BCR: variants seen among roughly 807,000 people sequenced by gnomAD.
BCR encodes the protein BCR activator of RhoGEF and GTPase, also known as breakpoint cluster region protein.
In BCR, 58 loss-of-function variants were observed where a neutral mutation model predicts 138.6. That is an observed-to-expected ratio of 0.42 (90% CI 0.34 to 0.52). The LOEUF (loss-of-function observed/expected upper bound fraction) is 0.52. Ranked by LOEUF, BCR falls within the 20% of genes least tolerant of loss-of-function variation. BCR has a pLI of 0.06. For missense variants in BCR, 1,599 were observed against 1,727.2 expected (o/e 0.93, Z 1.32); for synonymous variants, 786 against 730.1 (o/e 1.08, Z -1.23).
At chr22:23,266,963 C>G (rs950493519) in intron 4 of BCR, among the ~76,000 whole-genome samples, 1 of 152,134 alleles carries the variant, frequency 6.6e-6, no homozygotes, top group African/African-American at 2.4e-5. Context: ...GAGCTGTCAC[C>G]TCTTCTGAGA....
At chr22:23,200,956 T>C (rs1473200495) in intron 1 of BCR, among the ~76,000 whole-genome samples, 1 of 152,162 alleles carries the variant, frequency 6.6e-6, no homozygotes, top group Non-Finnish European at 1.5e-5. Flanking sequence ...AGCAGGCTGG[T>C]ACATTAGGAG....
chr22:23,182,126 A>G lies in BCR; in HGVS notation c.1166A>G (p.His389Arg). The change falls in exon 1 of 23, where the codon CAT becomes CGT. Residue 389 changes from histidine to arginine, a missense_variant. Coordinates refer to ENST00000305877, the MANE Select transcript of BCR (RefSeq NM_004327.4). ...DSSSPPTPQCHKRHRHCPVVV... is the reference protein window; with the variant it reads ...DSSSPPTPQCRKRHRHCPVVV... ...AGCAGTCCCCCCACGCCGCAGTGCC[A>G]TAAGCGGCACCGGCACTGCCCGGTT... The G allele has an allele frequency of 1.2e-6, 2 of 1,611,744 alleles. No individual in the cohort carries two copies. Among genetic ancestry groups the G allele is most frequent in the Non-Finnish European group, 1.7e-6 (2 of 1,179,986 alleles).
At chr22:23,195,713 TC>T (rs1435209492) in intron 1 of BCR, among the ~76,000 whole-genome samples, 1 of 151,794 alleles carries the variant, frequency 6.6e-6, no homozygotes, top group Non-Finnish European at 1.5e-5. Context: ...ATGGTGACAC[TC>T]CATCTCTACT....
At chr22:23,200,010 C>T (rs2072532992) in intron 1 of BCR, among the ~76,000 whole-genome samples, 1 of 151,682 alleles carries the variant, frequency 6.6e-6, no homozygotes, top group Non-Finnish European at 1.5e-5. Flanking sequence ...ATGGCATGAA[C>T]TCGGGAGGCA....
At chr22:23,257,949 G>C (rs1486061459) in intron 2 of BCR, among the ~76,000 whole-genome samples, 2 of 152,194 alleles carry the variant, frequency 1.3e-5, no homozygotes, top group Admixed American at 1.3e-4. Flanking sequence ...TTGAGCACCT[G>C]GGTGTTCTGG....
intron 8 of BCR, among the ~76,000 whole-genome samples, chr22:23,278,171 C>T (rs188953218): frequency 7.2e-5 from 11 of 152,364 alleles, no homozygotes; most frequent in Admixed American, 3.3e-4. Context: ...CTCAGCACCC[C>T]CTCCGCCTGG....
intron 1 of BCR, among the ~76,000 whole-genome samples, chr22:23,229,058 T>C (rs9624062): frequency 0.026 from 4,007 of 152,302 alleles, 160 homozygotes; most frequent in African/African-American, 0.09. Flanking sequence ...TTTCTCCATT[T>C]TTGTTTTCTC....
chr22:23,209,081 C>G (rs143840079), intron 1 of BCR, among the ~76,000 whole-genome samples: 2 of 152,092 alleles, frequency 1.3e-5, no homozygotes, highest in Admixed American at 1.3e-4. Flanking sequence ...TTCTTTTAGC[C>G]GGGCGCGGTG....
In BCR at chr22:23,283,975, A is replaced by G; in HGVS notation, c.2116-2A>G. ...TGACCCCAGCCTTCCCTGTGCCTGCAGCACCGGCAGCTGCTGAAGGACAGC... is the reference window on the plus strand; with the variant it reads ...TGACCCCAGCCTTCCCTGTGCCTGCGGCACCGGCAGCTGCTGAAGGACAGC... On this transcript the variant is annotated splice_acceptor_variant, in intron 8 of 22. Transcript: ENST00000305877. LOFTEE classifies it high-confidence loss of function. The G allele has an allele frequency of 6.3e-7, 1 of 1,592,254 alleles. No individual in the cohort carries two copies. Among genetic ancestry groups the G allele is most frequent in the Non-Finnish European group, 8.6e-7 (1 of 1,169,368 alleles).
intron 9 of BCR, among the ~76,000 whole-genome samples, 166 bp downstream of exon 9, chr22:23,284,264 G>T (rs1304020040): frequency 1.3e-5 from 2 of 152,000 alleles, no homozygotes; most frequent in African/African-American, 2.4e-5. Flanking sequence ...TAGCAATCTG[G>T]AGACGTCATG....
At chr22:23,258,794 C>T (rs532652977) in intron 2 of BCR, among the ~76,000 whole-genome samples, 5 of 152,354 alleles carry the variant, frequency 3.3e-5, no homozygotes, top group Admixed American at 1.3e-4. Flanking sequence ...GCGGGGCCAA[C>T]GAGAAGCCTG....
rs1026127414 is a variant in BCR, at chr22:23,315,681, G to A, written c.*159G>A. On this transcript the variant is annotated 3_prime_UTR_variant, in exon 23 of 23. Coordinates refer to ENST00000305877, the MANE Select transcript of BCR (RefSeq NM_004327.4). ...GCGACCCAAAGCCGAAGGACAGGTG[G>A]CCTGGAAAGATCCCGCCCAGGTCTG... 22 of 767,706 alleles carry A rather than the reference G, an allele frequency of 2.9e-5. No individual in the cohort carries two copies. Among genetic ancestry groups the A allele is most frequent in the Admixed American group, 4.1e-5 (2 of 49,380 alleles). 47.6% of individuals were successfully genotyped at this position (767,706 alleles called of 1,614,324 possible).
rs370995409 is a variant in BCR at position 23,303,347 on chromosome 22, G to C, written c.3013-6077G>C. 3.3e-5 allele frequency among the ~76,000 whole-genome samples: 5 copies of C among 152,280 alleles called. No homozygotes were observed. In the East Asian group the frequency reaches 9.7e-4, roughly 29 times the overall value. ...ATGGGAGTCGGAGGAGGTATGGTCA[G>C]GTAAGGCGGATACCGTCATGAAGGC... is the stretch of plus-strand genomic sequence containing the variant. On this transcript the variant is annotated intron_variant, in intron 16 of 22. Transcript: ENST00000305877.
chr22:23,296,294 A>C lies in BCR; in HGVS notation c.3012+1139A>C, dbSNP rs1054622695. ...GAGGCCGAGGCAGGAGAATGGCATG[A>C]ACCTGGGAGGCGGAGCTTGCAATGA... On this transcript the variant is annotated intron_variant, in intron 16 of 22. Transcript: ENST00000305877. 2.6e-5 allele frequency among the ~76,000 whole-genome samples: 4 copies of C among 151,662 alleles called. No homozygotes were observed. The South Asian group carries it at 8.4e-4, about 32-fold the overall frequency.
chr22:23,261,064 A>AT lies in BCR; in HGVS notation c.1566+13dup, dbSNP rs1249521666. The AT allele has an allele frequency of 6.2e-7, 1 of 1,611,472 alleles. No homozygotes were observed. Among genetic ancestry groups the AT allele is most frequent in the African/African-American group, 1.3e-5 (1 of 74,746 alleles). On this transcript the variant is annotated intron_variant, in intron 3 of 22. Coordinates refer to ENST00000305877, the MANE Select transcript of BCR (RefSeq NM_004327.4). The stretch of plus-strand genomic sequence containing the variant: ...GGAGGCACTGCTGCTGGTGAGGAGG[A>AT]TTTAGGGAGCTGAGCAGGGCGGGAT...
intron 1 of BCR, among the ~76,000 whole-genome samples, chr22:23,250,812 G>A (rs1324882364): frequency 1.3e-5 from 2 of 152,190 alleles, no homozygotes; most frequent in Admixed American, 1.3e-4. Flanking sequence ...ACCTTAGCGA[G>A]TCAACGTCTC....
chr22:23,311,873 G>C, intron 19 of BCR, 37 bp downstream of exon 19: 2 of 1,606,848 alleles, frequency 1.2e-6, no homozygotes, highest in Non-Finnish European at 1.7e-6. Flanking sequence ...ATGGAGGTGT[G>C]GGCAATGGTG....
At chr22:23,314,795 A>G in intron 22 of BCR, 81 bp downstream of exon 22, 2 of 1,527,958 alleles carry the variant, frequency 1.3e-6, no homozygotes, top group East Asian at 2.3e-5. Context: ...AGTCCTGCCC[A>G]TCTTCTTACT....
intron 1 of BCR, among the ~76,000 whole-genome samples, chr22:23,192,544 T>C (rs1380226812): frequency 6.6e-6 from 1 of 152,194 alleles, no homozygotes; most frequent in Non-Finnish European, 1.5e-5. Context: ...CAGCCTTTAG[T>C]CTGGGTCTTG....
Sources: allele counts gnomAD v4.1 joint callset (sites outside exome capture counted in the v4.1 genomes callset), GRCh38; gene constraint gnomAD v4.1.1; transcripts MANE v1.5; gene names NCBI Gene and HGNC (gene_info 2026-07-23, HGNC 2026-07-21).